The following FSTL5 variants were observed in gnomAD, a reference collection of about 807,000 sequenced individuals.
FSTL5 encodes the protein follistatin-related protein 5.
In FSTL5, 62 loss-of-function variants were observed where a neutral mutation model predicts 89.1. The observed-to-expected ratio is 0.70, with a 90% confidence interval of 0.57 to 0.86. The LOEUF (loss-of-function observed/expected upper bound fraction) is 0.86, where lower values mean the gene tolerates loss of function less well. FSTL5 is among the 40% of genes least tolerant of loss of function. FSTL5 has a pLI of 0.00. For missense variants in FSTL5, 1,057 were observed against 1,001.6 expected, an observed-to-expected ratio of 1.06 and a Z score of -0.75; for synonymous variants, 383 against 346.2, an observed-to-expected ratio of 1.11 and a Z score of -1.18.
intron 15 of FSTL5, among the ~76,000 whole-genome samples, chr4:161,442,682 T>C (rs375021900): frequency 3.3e-5 from 5 of 152,038 alleles, no homozygotes; most frequent in East Asian, 1.9e-4. Context: ...ATAACTGTTA[T>C]AGGAAAAATA....
intron 3 of FSTL5, 26 bp from the exon 4 acceptor site, chr4:161,920,678 A>G: frequency 6.3e-7 from 1 of 1,590,594 alleles, no homozygotes; most frequent in African/African-American, 1.4e-5. Context: ...AAAATTGAAA[A>G]TCGTTTGGTT....
chr4:161,448,315 C>A (rs1733023832), intron 15 of FSTL5, among the ~76,000 whole-genome samples: 2 of 152,100 alleles, frequency 1.3e-5, no homozygotes, highest in African/African-American at 4.8e-5. Flanking sequence ...CATGGAACAG[C>A]AGGTATTTTC....
rs371484972 is a variant in FSTL5, at chr4:161,971,315, T to A, written c.161-50663A>T. On this transcript the variant is annotated intron_variant, in intron 3 of 15. Transcript: ENST00000306100. ...TTGATATATTAGAATTTTTATATGG[T>A]TCTACTTTAAAATATCAGAAATTTA... Among the ~76,000 whole-genome samples, 71 of 152,272 alleles carry A rather than the reference T, an allele frequency of 4.7e-4. 1 individual carries two copies. The South Asian group carries it at 0.014, about 31-fold the overall frequency.
At chr4:161,900,181 C>T (rs1456632782) in intron 4 of FSTL5, among the ~76,000 whole-genome samples, 8 of 151,752 alleles carry the variant, frequency 5.3e-5, no homozygotes, top group African/African-American at 1.7e-4. Context: ...CGTGACAGAG[C>T]GAGGCTCTGT....
At chr4:162,055,332 T>C (rs1023294595) in intron 2 of FSTL5, among the ~76,000 whole-genome samples, 1 of 151,738 alleles carries the variant, frequency 6.6e-6, no homozygotes, top group African/African-American at 2.4e-5. Flanking sequence ...ATATACAAAG[T>C]ATATATTTAA....
intron 4 of FSTL5, among the ~76,000 whole-genome samples, chr4:161,873,878 C>T (rs17041702): frequency 2.0e-5 from 3 of 152,012 alleles, no homozygotes; most frequent in Admixed American, 2.0e-4. Flanking sequence ...ATAGTGCATT[C>T]ATTTTCACTT....
intron 6 of FSTL5, among the ~76,000 whole-genome samples, chr4:161,684,220 T>C (rs1430966534): frequency 1.3e-5 from 2 of 152,206 alleles, no homozygotes; most frequent in African/African-American, 2.4e-5. Flanking sequence ...CAATTGCGAA[T>C]TGTTATGCTA....
intron 4 of FSTL5, among the ~76,000 whole-genome samples, chr4:161,784,452 A>G (rs983804919): frequency 6.6e-6 from 1 of 152,156 alleles, no homozygotes; most frequent in Non-Finnish European, 1.5e-5. Context: ...GACTGCATCA[A>G]ATATAGTCAA....
At chr4:161,564,301 T>C (rs1023309590) in intron 8 of FSTL5, among the ~76,000 whole-genome samples, 6 of 150,998 alleles carry the variant, frequency 4.0e-5, no homozygotes, top group African/African-American at 1.5e-4. Context: ...GACCTGATCC[T>C]ATAATAAAAT....
At chr4:161,824,792 C>T (rs1006219211) in intron 4 of FSTL5, among the ~76,000 whole-genome samples, 1 of 152,106 alleles carries the variant, frequency 6.6e-6, no homozygotes, top group Non-Finnish European at 1.5e-5. Flanking sequence ...AATTTTGTAT[C>T]ATAAAACTTC....
intron 15 of FSTL5, among the ~76,000 whole-genome samples, chr4:161,449,519 A>G (rs1413991008): frequency 6.6e-6 from 1 of 152,164 alleles, no homozygotes; most frequent in Non-Finnish European, 1.5e-5. Flanking sequence ...GCCTTCTCTT[A>G]TTACTCACAG....
At chr4:161,429,497 C>T (rs748816754) in intron 15 of FSTL5, among the ~76,000 whole-genome samples, 19 of 152,182 alleles carry the variant, frequency 1.2e-4, no homozygotes, top group Non-Finnish European at 1.9e-4. Context: ...CCTCCGCCAG[C>T]TCCATTGAGT....
chr4:161,500,051 G>A lies in FSTL5; in HGVS notation c.1423C>T (p.His475Tyr), dbSNP rs755349184. 8 of 1,609,626 alleles carry A rather than the reference G, an allele frequency of 5.0e-6. No individual in the cohort carries two copies. The African/African-American group carries it at 6.7e-5, about 13-fold the overall frequency. The stretch of plus-strand genomic sequence containing the variant: ...AGGAGCTTTTCACTAGGCTTAATGT[G>A]CCTCTGAAATTCACATTCTATGGGT... ...IQPIECEFQR[H>Y]IKPSEKLLGF... The change falls in exon 12 of 16, where the codon CAC (histidine) becomes TAC (tyrosine). Residue 475 changes from histidine to tyrosine, a missense_variant. Physicochemically the swap from His to Tyr is moderately conservative, Grantham distance 83 (BLOSUM62 2). Around this residue, in one of 3 missense-constraint regions of FSTL5, gnomAD observed 980 missense variants for 903.2 expected, o/e 1.08. Coordinates refer to ENST00000306100, the MANE Select transcript of FSTL5 (RefSeq NM_020116.5).
At chr4:161,686,323 TATATATATATATATATATA>T (rs1373163860) in intron 6 of FSTL5, among the ~76,000 whole-genome samples, 1 of 6,134 alleles carries the variant, frequency 1.6e-4, no homozygotes, top group African/African-American at 4.0e-4. Context: ...TATATATATA[TATATATATATATATATATA>T]TATATTTTTT....
chr4:162,156,196 C>T (rs1733463497), intron 1 of FSTL5, among the ~76,000 whole-genome samples: 1 of 152,056 alleles, frequency 6.6e-6, no homozygotes, highest in Admixed American at 6.6e-5. Flanking sequence ...AGTAAGACAC[C>T]ATCTCGCACC....
At position 161,623,776 on chromosome 4, in the gene FSTL5, G is replaced by A. The variant is rs190575785; in HGVS notation, c.894+32552C>T. ...TTTATTTCTACTTAAAAAGCCTACC[G>A]CTTTTTCATTAAGTAGCATCCATAC... On this transcript the variant is annotated intron_variant, in intron 7 of 15. Transcript: ENST00000306100. Among the ~76,000 whole-genome samples, 1,206 of 151,804 alleles carry A rather than the reference G, an allele frequency of 7.9e-3. 11 individuals carry two copies. Among genetic ancestry groups the A allele is most frequent in the Non-Finnish European group, 0.012 (827 of 67,776 alleles).
intron 15 of FSTL5, among the ~76,000 whole-genome samples, chr4:161,442,685 G>GA (rs1732812971): frequency 6.6e-6 from 1 of 151,964 alleles, no homozygotes; most frequent in South Asian, 2.1e-4. Flanking sequence ...ACTGTTATAG[G>GA]AAAAATACTA....
At chr4:161,602,253 AAGAGAGAG>A (rs58991875) in intron 7 of FSTL5, among the ~76,000 whole-genome samples, 23,616 of 122,508 alleles carry the variant, frequency 0.19, 2,057 homozygotes, top group Middle Eastern at 0.34. Context: ...GAGGGAGAGA[AAGAGAGAG>A]AGAGAGAGAG....
intron 4 of FSTL5, among the ~76,000 whole-genome samples, chr4:161,878,010 T>C (rs1452232232): frequency 6.6e-6 from 1 of 151,800 alleles, no homozygotes; most frequent in Non-Finnish European, 1.5e-5. Flanking sequence ...TTTTTACTTA[T>C]ATAGATTTAC....
Sources: gnomAD v4.1 joint callset for allele counts (sites outside exome capture counted in the v4.1 genomes callset) on GRCh38, gnomAD v4.1.1 for gene constraint, gnomAD v4.1.1 regional missense constraint, MANE v1.5 for transcripts, NCBI Gene and HGNC (gene_info 2026-07-23, HGNC 2026-07-21) for gene names.